ARHGAP42: variants seen among roughly 807,000 people sequenced by gnomAD.
ARHGAP42 encodes the protein rho GTPase-activating protein 42.
Under a neutral mutation model 125.0 loss-of-function variants are expected in ARHGAP42, and 63 were observed. The observed-to-expected ratio is 0.50, with a 90% CI of 0.41 to 0.62. ARHGAP42 has a LOEUF of 0.62. Among genes scored for constraint, ARHGAP42 ranks in the 20% least tolerant of loss-of-function variants. The probability of loss-of-function intolerance (pLI) is 0.00; values close to 1 mark genes in which losing one functional copy is unlikely to be tolerated. For missense variants in ARHGAP42, 766 were observed against 1,024.2 expected, an observed-to-expected ratio of 0.75 and a Z score of 3.44; for synonymous variants, 339 against 351.0, an observed-to-expected ratio of 0.97 and a Z score of 0.38.
At chr11:100,872,843 C>T (rs1457239545) in intron 4 of ARHGAP42, among the ~76,000 whole-genome samples, 4 of 151,950 alleles carry the variant, frequency 2.6e-5, no homozygotes, top group African/African-American at 7.3e-5. Context: ...TGATCTGTTT[C>T]GTAACAAGCA....
intron 4 of ARHGAP42, among the ~76,000 whole-genome samples, chr11:100,884,968 G>T (rs1866053047): frequency 6.6e-6 from 1 of 152,102 alleles, no homozygotes; most frequent in Non-Finnish European, 1.5e-5. Flanking sequence ...CTGAGATGTG[G>T]CTGCAGGGGG....
intron 3 of ARHGAP42, among the ~76,000 whole-genome samples, chr11:100,808,429 C>T (rs1267023038): frequency 1.5e-5 from 2 of 129,284 alleles, no homozygotes; most frequent in East Asian, 4.5e-4. Context: ...GACGGAGTCT[C>T]GCTCTGTCGC....
chr11:100,731,842 C>G (rs575375443), intron 1 of ARHGAP42, among the ~76,000 whole-genome samples: 13 of 152,318 alleles, frequency 8.5e-5, no homozygotes, highest in African/African-American at 2.9e-4. Context: ...ACACAGAGCC[C>G]TTCCCTCACC....
intron 1 of ARHGAP42, among the ~76,000 whole-genome samples, chr11:100,769,332 G>A (rs763885991): frequency 1.3e-5 from 2 of 152,134 alleles, no homozygotes; most frequent in Non-Finnish European, 2.9e-5. Flanking sequence ...TTCCACCCAG[G>A]CAGCCTGGCT....
chr11:100,756,136 AGCACTTTGGGAG>A (rs1862571501), intron 1 of ARHGAP42, among the ~76,000 whole-genome samples: 4 of 148,372 alleles, frequency 2.7e-5, no homozygotes, highest in Admixed American at 2.1e-4. Flanking sequence ...CTGTAATCTC[AGCACTTTGGGAG>A]GCTAAGACAG....
At chr11:100,782,029 A>G (rs1307623488) in intron 2 of ARHGAP42, among the ~76,000 whole-genome samples, 5 of 150,230 alleles carry the variant, frequency 3.3e-5, no homozygotes, top group African/African-American at 1.2e-4. Flanking sequence ...TTTCCTGCTT[A>G]GGCATACTTA....
At chr11:100,826,009 G>T (rs1414266474) in intron 3 of ARHGAP42, among the ~76,000 whole-genome samples, 1 of 152,118 alleles carries the variant, frequency 6.6e-6, no homozygotes, top group East Asian at 1.9e-4. Context: ...TATGTCCAGG[G>T]TTCCTGAGTC....
At chr11:100,948,326 CTA>C (rs1216877221) in intron 10 of ARHGAP42, 129 bp from the exon 11 acceptor site, 105 of 653,566 alleles carry the variant, frequency 1.6e-4, no homozygotes, top group Admixed American at 2.6e-4. Context: ...AGAAAAATTC[CTA>C]TGTTTTTCTC....
At chr11:100,944,771 A>T (rs12418769) in intron 10 of ARHGAP42, among the ~76,000 whole-genome samples, 7,530 of 151,900 alleles carry the variant, frequency 0.05, 324 homozygotes, top group East Asian at 0.25. Context: ...AGTAATGTGA[A>T]TGGTCATCTG....
At chr11:100,905,027 G>A (rs1753527430) in intron 4 of ARHGAP42, among the ~76,000 whole-genome samples, 1 of 152,166 alleles carries the variant, frequency 6.6e-6, no homozygotes, top group African/African-American at 2.4e-5. Context: ...CTACTTGTGA[G>A]CCAGGTGTCA....
chr11:100,925,460 G>A (rs964623297), intron 6 of ARHGAP42, among the ~76,000 whole-genome samples: 5 of 151,782 alleles, frequency 3.3e-5, no homozygotes, highest in African/African-American at 7.3e-5. Context: ...TTTACTAGCC[G>A]GGCACAGTAG....
chr11:100,903,773 T>G (rs1450804802), intron 4 of ARHGAP42, among the ~76,000 whole-genome samples: 1 of 136,124 alleles, frequency 7.3e-6, no homozygotes, highest in Non-Finnish European at 1.6e-5. Context: ...AAGGAAAGTT[T>G]ATTAAGTTTT....
chr11:100,723,550 G>A (rs11224411), intron 1 of ARHGAP42, among the ~76,000 whole-genome samples: 9,450 of 151,768 alleles, frequency 0.062, 414 homozygotes, highest in East Asian at 0.21. Flanking sequence ...TGTAAATGAT[G>A]TTGAGTTTTA....
intron 2 of ARHGAP42, 119 bp downstream of exon 2, chr11:100,770,557 G>C (rs927153711): frequency 1.3e-6 from 1 of 763,078 alleles, no homozygotes; most frequent in Non-Finnish European, 1.9e-6. Context: ...TACTATAAGA[G>C]TGATTTTAGG....
At chr11:100,925,433 A>T (rs1867392178) in intron 6 of ARHGAP42, among the ~76,000 whole-genome samples, 1 of 152,032 alleles carries the variant, frequency 6.6e-6, no homozygotes, top group African/African-American at 2.4e-5. Flanking sequence ...CTGTTTTTTT[A>T]AAGTATTTAA....
At chr11:100,966,878 A>T (rs1264451677) in intron 17 of ARHGAP42, among the ~76,000 whole-genome samples, 1 of 152,214 alleles carries the variant, frequency 6.6e-6, no homozygotes, top group African/African-American at 2.4e-5. Context: ...TTTAGTATTT[A>T]ATAGGGATAT....
intron 1 of ARHGAP42, among the ~76,000 whole-genome samples, chr11:100,706,099 C>A (rs928886207): frequency 1.3e-5 from 2 of 151,840 alleles, no homozygotes; most frequent in African/African-American, 4.8e-5. Flanking sequence ...CCTGCCTCAG[C>A]CTCCCACGTA....
At chr11:100,703,202 A>G (rs1470982530) in intron 1 of ARHGAP42, among the ~76,000 whole-genome samples, 1 of 152,034 alleles carries the variant, frequency 6.6e-6, no homozygotes, top group East Asian at 1.9e-4. Context: ...AATCTGGGGG[A>G]ACATCATCAG....
intron 3 of ARHGAP42, among the ~76,000 whole-genome samples, chr11:100,827,202 A>C (rs990626199): frequency 4.0e-5 from 6 of 151,738 alleles, no homozygotes; most frequent in Non-Finnish European, 7.4e-5. Flanking sequence ...GGGGTTTCAC[A>C]ATGTTGGCCA....
Sources: allele counts gnomAD v4.1 joint callset (sites outside exome capture counted in the v4.1 genomes callset), GRCh38; gene constraint gnomAD v4.1.1; transcripts MANE v1.5; gene names NCBI Gene and HGNC (gene_info 2026-07-23, HGNC 2026-07-21).